The following ZEB1 variants were observed in gnomAD, a reference collection of about 807,000 sequenced individuals.
ZEB1 encodes the protein zinc finger E-box-binding homeobox 1.
In ZEB1, 21 loss-of-function variants were observed where a neutral mutation model predicts 84.9. That is an observed-to-expected ratio of 0.25 (90% CI 0.18 to 0.36). The LOEUF is 0.36. Ranked by LOEUF, ZEB1 falls within the 10% of genes least tolerant of loss-of-function variation. ZEB1 has a pLI of 1.00. For missense variants in ZEB1, 1,104 were observed against 1,330.2 expected (o/e 0.83, Z 2.65); for synonymous variants, 420 against 471.1 (o/e 0.89, Z 1.41).
At position 31,460,985 on chromosome 10, in the gene ZEB1, CTGAT is replaced by C. The variant is rs1318661480; in HGVS notation, c.59-49_59-46del. The C allele has an allele frequency of 1.2e-5, 17 of 1,428,320 alleles. No homozygotes were observed. The South Asian group carries it at 1.5e-4, about 13-fold the overall frequency. The allele number at this position is 1,428,320 out of a possible 1,614,324, so 88.5% of individuals were successfully genotyped here. A position where few individuals can be genotyped will look rare whatever the true frequency, so the allele number is the denominator to read the frequency against. On this transcript the variant is annotated intron_variant, in intron 1 of 8. Transcript: ENST00000424869. ...TTTTTATTTTTCTGAGATGTAAAAACTGATTGTTTTACTAGTTGGTTTTGATTAT... is the reference window on the plus strand; with the variant it reads ...TTTTTATTTTTCTGAGATGTAAAAACTGTTTTACTAGTTGGTTTTGATTAT...
Position 31,319,346 on chromosome 10 carries a change from G to C in ZEB1, c.58+54G>C. The C allele has an allele frequency of 3.2e-6, 5 of 1,569,638 alleles. No individual in the cohort carries two copies. In the South Asian group the frequency reaches 5.8e-5, roughly 18 times the overall value. On this transcript the variant is annotated intron_variant, in intron 1 of 8. Coordinates refer to ENST00000424869, the MANE Select transcript of ZEB1 (RefSeq NM_001174096.2). ...CGGAGTCAGGGGGAGCTGGGCAGCCGGGGCGCCCCCGGGGGTGAGGGGGGC... is the reference window on the plus strand; with the variant it reads ...CGGAGTCAGGGGGAGCTGGGCAGCCCGGGCGCCCCCGGGGGTGAGGGGGGC...
chr10:31,527,071 GGGATGA>G lies in ZEB1; in HGVS notation c.3189_3194del (p.Asp1063_Glu1064del), dbSNP rs2073607177. ...GAAAAAGAATGTGAAAAACCACAAG[GGGATGA>G]GGAAGAGGAGGAGGAGGAGGAAGAA... On this transcript the variant is annotated inframe_deletion, in exon 9 of 9. Coordinates refer to ENST00000424869, the MANE Select transcript of ZEB1 (RefSeq NM_001174096.2). The G allele has an allele frequency of 1.3e-6, 2 of 1,587,052 alleles. No homozygotes were observed. Among genetic ancestry groups the G allele is most frequent in the East Asian group, 4.6e-5 (2 of 43,142 alleles).
At chr10:31,487,078 G>A (rs1215385820) in intron 2 of ZEB1, among the ~76,000 whole-genome samples, 1 of 151,182 alleles carries the variant, frequency 6.6e-6, no homozygotes, top group African/African-American at 2.4e-5. Flanking sequence ...ATATTTATGT[G>A]GGTCAGTTTC....
intron 1 of ZEB1, chr10:31,373,133 C>G (rs2046001236): frequency 3.0e-6 from 3 of 985,200 alleles, no homozygotes; most frequent in Non-Finnish European, 3.6e-6. Context: ...AAAGCACTAT[C>G]AAGAAAGACT....
intron 4 of ZEB1, among the ~76,000 whole-genome samples, chr10:31,510,361 G>A (rs2069758028): frequency 6.6e-6 from 1 of 151,974 alleles, no homozygotes; most frequent in Non-Finnish European, 1.5e-5. Flanking sequence ...TTCTTTTCTA[G>A]CTAATCACAT....
Position 31,366,829 on chromosome 10 carries a change from G to A in ZEB1, c.58+47537G>A, listed in dbSNP as rs566632894. ...TTCCCAGCGTATACTGCTTGAGCTG[G>A]AGCAAGACTCCAGTGATCCTTGGAA... On this transcript the variant is annotated intron_variant, in intron 1 of 8. Transcript: ENST00000424869. Among the ~76,000 whole-genome samples the A allele has an allele frequency of 9.5e-4, 143 of 150,110 alleles. 2 individuals carry two copies. The highest frequency in any genetic ancestry group is 3.5e-3 in the African/African-American group (140 of 39,610).
chr10:31,463,561 T>C (rs1287067558), intron 2 of ZEB1, among the ~76,000 whole-genome samples: 1 of 152,184 alleles, frequency 6.6e-6, no homozygotes, highest in African/African-American at 2.4e-5. Context: ...GGATTATGTC[T>C]CGACTGTGAG....
chr10:31,449,274 C>A (rs1009648471), intron 1 of ZEB1, among the ~76,000 whole-genome samples: 3 of 152,202 alleles, frequency 2.0e-5, no homozygotes, highest in Non-Finnish European at 2.9e-5. Context: ...CTTCGGCTTG[C>A]GCACAGTGCG....
At chr10:31,367,432 A>G (rs758265406) in intron 1 of ZEB1, among the ~76,000 whole-genome samples, 22 of 152,192 alleles carry the variant, frequency 1.4e-4, no homozygotes, top group Non-Finnish European at 3.2e-4. Context: ...AGTGATGATG[A>G]TGATGATTGT....
intron 1 of ZEB1, among the ~76,000 whole-genome samples, chr10:31,366,535 G>A (rs2044533816): frequency 6.6e-6 from 1 of 152,110 alleles, no homozygotes. Context: ...ACCCCATGAT[G>A]TACACCATTG....
chr10:31,394,252 T>A (rs527829916), intron 1 of ZEB1, among the ~76,000 whole-genome samples: 4 of 152,228 alleles, frequency 2.6e-5, no homozygotes, highest in Middle Eastern at 3.4e-3. Flanking sequence ...ACAAAACACA[T>A]TCAAGATAAA....
At chr10:31,435,376 C>T (rs545680978) in intron 1 of ZEB1, among the ~76,000 whole-genome samples, 1 of 152,272 alleles carries the variant, frequency 6.6e-6, no homozygotes, top group Non-Finnish European at 1.5e-5. Flanking sequence ...TTTTAAGCCT[C>T]TTAGGGATAT....
chr10:31,323,625 A>G (rs2034684837), intron 1 of ZEB1, among the ~76,000 whole-genome samples: 1 of 152,130 alleles, frequency 6.6e-6, no homozygotes, highest in Non-Finnish European at 1.5e-5. Context: ...ATATGCAGTA[A>G]AACTCTGTAG....
At chr10:31,393,384 T>G (rs548075046) in intron 1 of ZEB1, among the ~76,000 whole-genome samples, 1 of 152,334 alleles carries the variant, frequency 6.6e-6, no homozygotes, top group South Asian at 2.1e-4. Context: ...ATAGGCCACC[T>G]GTGTTATTTT....
intron 1 of ZEB1, among the ~76,000 whole-genome samples, chr10:31,331,269 G>A (rs1210141579): frequency 6.6e-6 from 1 of 151,532 alleles, no homozygotes; most frequent in East Asian, 1.9e-4. Context: ...TGTATTTTTA[G>A]TAGAGATGGG....
chr10:31,511,804 T>C (rs2070088341), intron 5 of ZEB1, among the ~76,000 whole-genome samples: 2 of 152,100 alleles, frequency 1.3e-5, no homozygotes, highest in African/African-American at 4.8e-5. Context: ...GCTAAGGTGA[T>C]GGCTAGGCCA....
chr10:31,406,162 T>G (rs1034323072), intron 1 of ZEB1, among the ~76,000 whole-genome samples: 1 of 152,182 alleles, frequency 6.6e-6, no homozygotes, highest in African/African-American at 2.4e-5. Flanking sequence ...TACATATGCG[T>G]GTGTCTTTAT....
At chr10:31,390,703 C>T (rs1157330132) in intron 1 of ZEB1, among the ~76,000 whole-genome samples, 1 of 152,052 alleles carries the variant, frequency 6.6e-6, no homozygotes, top group African/African-American at 2.4e-5. Flanking sequence ...CAAGCATGAA[C>T]ACAAAATACA....
At chr10:31,465,780 AT>A (rs138116008) in intron 2 of ZEB1, among the ~76,000 whole-genome samples, 11,700 of 151,366 alleles carry the variant, frequency 0.077, 625 homozygotes, top group African/African-American at 0.16. Context: ...CATGTGGCTA[AT>A]TTAAAAAAAA....
Sources: gnomAD v4.1 joint callset for allele counts (sites outside exome capture counted in the v4.1 genomes callset) on GRCh38, gnomAD v4.1.1 for gene constraint, MANE v1.5 for transcripts, NCBI Gene and HGNC (gene_info 2026-07-23, HGNC 2026-07-21) for gene names.